TANC1: variants seen among roughly 807,000 people sequenced by gnomAD.
TANC1 encodes protein TANC1.
In TANC1, 77 loss-of-function variants were observed where a neutral mutation model predicts 149.7. The observed-to-expected ratio is 0.51, with a 90% CI of 0.43 to 0.62. TANC1 has a LOEUF of 0.62. TANC1 is among the 20% of genes least tolerant of loss of function. The pLI is 0.00. For synonymous variants in TANC1, 854 were observed against 925.0 expected (o/e 0.92, Z 1.39); for missense variants, 1,985 against 2,321.8 (o/e 0.85, Z 2.98).
chr2:159,134,000 C>T (rs1290855603), intron 4 of TANC1, among the ~76,000 whole-genome samples: 2 of 152,152 alleles, frequency 1.3e-5, no homozygotes, highest in African/African-American at 2.4e-5. Flanking sequence ...CATCTCTCGC[C>T]ATAAACCATC....
Position 159,163,492 on chromosome 2 carries a change from C to T in TANC1, c.892C>T (p.Pro298Ser), listed in dbSNP as rs1217063587. Reference protein sequence around the residue: ...AESSAGDGPVPYSQGSSSLIM... With the variant: ...AESSAGDGPVSYSQGSSSLIM... ...ATCCTCAGCTGGAGATGGTCCAGTC[C>T]CTTATTCTCAGGGCTCCAGCTCACT... The change falls in exon 8 of 27, where the codon CCT (proline) becomes TCT (serine). Residue 298 changes from proline to serine, a missense_variant. Physicochemically the swap from Pro to Ser is moderately conservative, Grantham distance 74. This residue lies in a region of TANC1 where 557 missense variants were observed against 612.9 expected (regional missense o/e 0.91). Coordinates refer to ENST00000263635, the MANE Select transcript of TANC1 (RefSeq NM_033394.3). The T allele has an allele frequency of 6.2e-7, 1 of 1,613,480 alleles. No homozygotes were observed. Among genetic ancestry groups the T allele is most frequent in the South Asian group, 1.1e-5 (1 of 91,046 alleles).
chr2:159,082,874 C>G (rs566443852), intron 3 of TANC1, among the ~76,000 whole-genome samples: 1 of 152,168 alleles, frequency 6.6e-6, no homozygotes, highest in Non-Finnish European at 1.5e-5. Context: ...CACCTAGGCC[C>G]TTGTGACTCA....
At chr2:159,061,690 A>G (rs1014398590) in intron 2 of TANC1, among the ~76,000 whole-genome samples, 1 of 152,158 alleles carries the variant, frequency 6.6e-6, no homozygotes, top group African/African-American at 2.4e-5. Context: ...TCTTTTTGTT[A>G]TAGGGGTGTC....
rs373599863 is a variant in TANC1 at position 159,021,554 on chromosome 2, G to A, written c.-16+20365G>A. On this transcript the variant is annotated intron_variant, in intron 2 of 26. Transcript: ENST00000263635. ...GGGATTTGAGGTGGTAGTGAGTTAG[G>A]ATCATGTCTGTGAATAGCCATTGCA... Among the ~76,000 whole-genome samples the A allele has an allele frequency of 9.2e-5, 14 of 152,038 alleles. No individual in the cohort carries two copies. The East Asian group carries it at 2.7e-3, about 29-fold the overall frequency.
chr2:159,176,343 A>G lies in TANC1; in HGVS notation c.1736-9A>G. 6.8e-7 allele frequency: 1 copy of G among 1,473,562 alleles called. No individual in the cohort carries two copies. 91.3% of individuals were successfully genotyped at this position (1,473,562 alleles called of 1,614,324 possible). Reference sequence around the variant, plus strand: ...TTTCTTAATTTGAAAAAATTATTTTATCCTGTAGAGCAGAAAATTCCTGAA... The same window carrying G: ...TTTCTTAATTTGAAAAAATTATTTTGTCCTGTAGAGCAGAAAATTCCTGAA... On this transcript the variant is annotated splice_polypyrimidine_tract_variant and intron_variant, in intron 12 of 26. Transcript: ENST00000263635.
intron 1 of TANC1, among the ~76,000 whole-genome samples, chr2:158,977,865 C>A (rs544292693): frequency 6.6e-6 from 1 of 152,074 alleles, no homozygotes; most frequent in Admixed American, 6.6e-5. Context: ...AACTCCTGCC[C>A]GTCCCTGATA....
At chr2:159,115,706 G>C (rs1158361139) in intron 4 of TANC1, among the ~76,000 whole-genome samples, 1 of 152,220 alleles carries the variant, frequency 6.6e-6, no homozygotes, top group East Asian at 1.9e-4. Flanking sequence ...GAAGCTTGCC[G>C]AGCTCTAGCT....
chr2:158,990,280 T>G (rs1350226268), intron 1 of TANC1, among the ~76,000 whole-genome samples: 1 of 152,234 alleles, frequency 6.6e-6, no homozygotes, highest in Non-Finnish European at 1.5e-5. Flanking sequence ...GTTTGTACAG[T>G]ACTTTTAGAG....
chr2:159,194,200 C>A, intron 16 of TANC1, 57 bp from the exon 17 acceptor site: 10 of 1,442,512 alleles, frequency 6.9e-6, no homozygotes, highest in Non-Finnish European at 9.7e-6. Flanking sequence ...TGCCCATTTC[C>A]AGAAATGTTT....
At chr2:159,218,672 A>T (rs885640) in intron 20 of TANC1, among the ~76,000 whole-genome samples, 2 of 151,992 alleles carry the variant, frequency 1.3e-5, no homozygotes, top group African/African-American at 4.8e-5. Flanking sequence ...ATGACTATGC[A>T]TGGTTGAAAG....
At chr2:159,195,961 C>T (rs796257777) in intron 17 of TANC1, among the ~76,000 whole-genome samples, 11 of 152,306 alleles carry the variant, frequency 7.2e-5, no homozygotes, top group East Asian at 1.9e-4. Flanking sequence ...GAAGGGCTGC[C>T]GCTGCTTTGG....
chr2:159,188,233 G>A (rs2057164097), intron 16 of TANC1, among the ~76,000 whole-genome samples: 1 of 152,214 alleles, frequency 6.6e-6, no homozygotes, highest in African/African-American at 2.4e-5. Flanking sequence ...AATTATGCAT[G>A]CAATTAAGGA....
At chr2:159,046,704 G>A (rs542716131) in intron 2 of TANC1, among the ~76,000 whole-genome samples, 1 of 145,400 alleles carries the variant, frequency 6.9e-6, no homozygotes, top group African/African-American at 2.6e-5. Context: ...GGGCTCAAGC[G>A]ATCCTCCCAC....
chr2:159,138,407 A>G (rs777576264), intron 5 of TANC1, among the ~76,000 whole-genome samples: 1 of 152,216 alleles, frequency 6.6e-6, no homozygotes, highest in Non-Finnish European at 1.5e-5. Context: ...AAAGTCGAAC[A>G]GGACAATTAG....
At chr2:159,163,152 C>T in intron 7 of TANC1, 131 bp from the exon 8 acceptor site, 1 of 890,666 alleles carries the variant, frequency 1.1e-6, no homozygotes, top group Non-Finnish European at 1.7e-6. Flanking sequence ...TTGTATGGAA[C>T]ATACTTTGAT....
chr2:159,109,081 T>A (rs1413835428), intron 4 of TANC1, among the ~76,000 whole-genome samples: 1 of 152,212 alleles, frequency 6.6e-6, no homozygotes, highest in Non-Finnish European at 1.5e-5. Flanking sequence ...GTACAGCTAA[T>A]GAGCTGACCT....
chr2:159,176,299 G>A (rs2055850813), intron 12 of TANC1, 53 bp from the exon 13 acceptor site: 2 of 1,119,628 alleles, frequency 1.8e-6, no homozygotes, highest in East Asian at 2.6e-5. Context: ...GGGTGTTGCT[G>A]TCTTAGAGAA....
chr2:159,078,628 T>C (rs1333750142), intron 3 of TANC1, among the ~76,000 whole-genome samples: 2 of 152,210 alleles, frequency 1.3e-5, no homozygotes, highest in African/African-American at 2.4e-5. Context: ...AGCTCCAAGA[T>C]TCTGAAGATT....
intron 9 of TANC1, 140 bp from the exon 10 acceptor site, chr2:159,170,384 A>T (rs905939559): frequency 1.1e-5 from 8 of 744,256 alleles, no homozygotes; most frequent in Admixed American, 2.9e-5. Flanking sequence ...TATTAATAGA[A>T]CGAGATTGGA....
Sources: gnomAD v4.1 joint callset for allele counts (sites outside exome capture counted in the v4.1 genomes callset) on GRCh38, gnomAD v4.1.1 for gene constraint, gnomAD v4.1.1 regional missense constraint, MANE v1.5 for transcripts, NCBI Gene and HGNC (gene_info 2026-07-23, HGNC 2026-07-21) for gene names.